The following CTNNA3 variants were observed in gnomAD, a reference collection of about 807,000 sequenced individuals.
The protein encoded by CTNNA3 is catenin alpha 3.
In CTNNA3, 76 loss-of-function variants were observed where a neutral mutation model predicts 95.7. The observed-to-expected ratio is 0.79, with a 90% CI of 0.66 to 0.96. CTNNA3 has a LOEUF of 0.96. Ranked by LOEUF, CTNNA3 falls within the 40% of genes least tolerant of loss-of-function variation. The pLI, the probability that CTNNA3 is intolerant of heterozygous loss-of-function variation, is 0.00. For missense variants in CTNNA3, 1,191 were observed against 1,089.8 expected (o/e 1.09, Z -1.31); for synonymous variants, 431 against 374.4 (o/e 1.15, Z -1.74).
intron 7 of CTNNA3, among the ~76,000 whole-genome samples, chr10:67,057,802 T>A (rs1285443709): frequency 6.6e-6 from 1 of 152,132 alleles, no homozygotes; most frequent in Non-Finnish European, 1.5e-5. Flanking sequence ...TTTCACACTG[T>A]CTCAGTCTCT....
At chr10:66,309,431 G>A (rs867930939) in intron 12 of CTNNA3, among the ~76,000 whole-genome samples, 1 of 151,968 alleles carries the variant, frequency 6.6e-6, no homozygotes, top group African/African-American at 2.4e-5. Context: ...AGTGGCTCAC[G>A]CCTGTAATCT....
chr10:66,363,497 T>C (rs952239264), intron 12 of CTNNA3, among the ~76,000 whole-genome samples: 2 of 152,188 alleles, frequency 1.3e-5, no homozygotes, highest in Admixed American at 1.3e-4. Context: ...ATGCTGATGA[T>C]GCTGGCACCC....
At chr10:67,160,325 A>T (rs1023634292) in intron 7 of CTNNA3, among the ~76,000 whole-genome samples, 41 of 152,332 alleles carry the variant, frequency 2.7e-4, no homozygotes, top group Admixed American at 1.4e-3. Context: ...CCTCAAAAAA[A>T]TTAAAAATAA....
intron 13 of CTNNA3, among the ~76,000 whole-genome samples, chr10:66,257,848 T>C (rs1390673657): frequency 6.6e-6 from 1 of 152,220 alleles, no homozygotes; most frequent in African/African-American, 2.4e-5. Context: ...TTATTCTGAT[T>C]CATCCTATTG....
intron 5 of CTNNA3, among the ~76,000 whole-genome samples, chr10:67,436,317 T>A (rs1357270825): frequency 6.6e-6 from 1 of 152,024 alleles, no homozygotes; most frequent in East Asian, 1.9e-4. Flanking sequence ...TTATAAAAAA[T>A]CAACTCAAGA....
intron 7 of CTNNA3, among the ~76,000 whole-genome samples, chr10:66,902,695 T>C (rs1393398420): frequency 1.3e-5 from 2 of 151,980 alleles, no homozygotes; most frequent in Admixed American, 1.3e-4. Flanking sequence ...AACGATAAAA[T>C]GGATATCACC....
intron 9 of CTNNA3, among the ~76,000 whole-genome samples, chr10:66,695,240 T>C (rs1475134367): frequency 1.3e-5 from 2 of 152,180 alleles, no homozygotes; most frequent in African/African-American, 2.4e-5. Context: ...GGTACAGGCA[T>C]GTTTGCCTCC....
intron 17 of CTNNA3, among the ~76,000 whole-genome samples, chr10:65,935,802 T>A (rs1372554957): frequency 6.6e-6 from 1 of 152,160 alleles, no homozygotes; most frequent in East Asian, 1.9e-4. Flanking sequence ...CATTCTAGCT[T>A]ATGGAAAGGC....
At chr10:67,310,093 AG>A (rs1840724037) in intron 5 of CTNNA3, among the ~76,000 whole-genome samples, 1 of 152,218 alleles carries the variant, frequency 6.6e-6, no homozygotes, top group Admixed American at 6.5e-5. Flanking sequence ...TCAGAGTGAT[AG>A]AAGGGTTAAA....
intron 7 of CTNNA3, among the ~76,000 whole-genome samples, chr10:67,061,150 C>G (rs992426472): frequency 6.6e-6 from 1 of 152,040 alleles, no homozygotes; most frequent in Admixed American, 6.5e-5. Context: ...AATAACAGAG[C>G]TTTGAGAGAG....
At chr10:67,217,044 A>G (rs1286622830) in intron 6 of CTNNA3, among the ~76,000 whole-genome samples, 1 of 152,186 alleles carries the variant, frequency 6.6e-6, no homozygotes, top group African/African-American at 2.4e-5. Flanking sequence ...ACTCACACCC[A>G]GCCAAGGGCC....
chr10:66,864,680 TA>T (rs35835338), intron 7 of CTNNA3, among the ~76,000 whole-genome samples: 207 of 151,446 alleles, frequency 1.4e-3, no homozygotes, highest in African/African-American at 4.7e-3. Context: ...TCATTATCTA[TA>T]AAAAAAAAGT....
intron 1 of CTNNA3, among the ~76,000 whole-genome samples, chr10:67,710,362 C>A (rs753256058): frequency 6.6e-6 from 1 of 152,058 alleles, no homozygotes; most frequent in African/African-American, 2.4e-5. Flanking sequence ...AGACCATATC[C>A]TATAGTGAAG....
chr10:66,331,835 G>GAAGA (rs1301501517), intron 12 of CTNNA3, among the ~76,000 whole-genome samples: 1 of 151,886 alleles, frequency 6.6e-6, no homozygotes, highest in African/African-American at 2.4e-5. Flanking sequence ...CCAATTCTGT[G>GAAGA]AAGAAAGTCA....
At chr10:65,937,513 C>T (rs1468208883) in intron 17 of CTNNA3, among the ~76,000 whole-genome samples, 1 of 152,094 alleles carries the variant, frequency 6.6e-6, no homozygotes, top group Non-Finnish European at 1.5e-5. Context: ...TCACACTGTT[C>T]TTTAAGACTC....
intron 5 of CTNNA3, among the ~76,000 whole-genome samples, chr10:67,314,287 T>C (rs1840949828): frequency 6.6e-6 from 1 of 152,218 alleles, no homozygotes; most frequent in Admixed American, 6.5e-5. Context: ...GCAGTCATTT[T>C]CGCATGACTA....
intron 11 of CTNNA3, among the ~76,000 whole-genome samples, chr10:66,465,250 C>T (rs1838863558): frequency 1.3e-5 from 2 of 151,420 alleles, no homozygotes; most frequent in African/African-American, 4.9e-5. Flanking sequence ...ATGAGTGGTA[C>T]ACCATGAAAT....
intron 7 of CTNNA3, among the ~76,000 whole-genome samples, chr10:67,133,904 A>T (rs936767421): frequency 2.6e-5 from 4 of 152,106 alleles, no homozygotes; most frequent in Non-Finnish European, 4.4e-5. Context: ...GACCGGTCTC[A>T]AACTACTGGA....
chr10:65,983,257 G>T (rs2078361063), intron 16 of CTNNA3, among the ~76,000 whole-genome samples: 1 of 151,602 alleles, frequency 6.6e-6, no homozygotes, highest in East Asian at 1.9e-4. Context: ...GCTGCTTAAA[G>T]ATCACCGAGG....
Sources: gnomAD v4.1 joint callset for allele counts (sites outside exome capture counted in the v4.1 genomes callset) on GRCh38, gnomAD v4.1.1 for gene constraint, MANE v1.5 for transcripts, NCBI Gene and HGNC (gene_info 2026-07-23, HGNC 2026-07-21) for gene names.